The following IGFL2 variants were observed in gnomAD, a reference collection of about 807,000 sequenced individuals.
The protein encoded by IGFL2 is IGF like family member 2, also known as insulin growth factor-like family member 2.
Under a neutral mutation model 13.9 loss-of-function variants are expected in IGFL2, and 7 were observed. The observed-to-expected ratio is 0.51, with a 90% CI of 0.29 to 0.95. IGFL2 has a LOEUF of 0.95. Among genes scored for constraint, IGFL2 ranks in the 40% least tolerant of loss-of-function variants. The pLI is 0.08. For synonymous variants in IGFL2, 55 were observed against 55.8 expected (o/e 0.99, Z 0.07); for missense variants, 138 against 147.8 (o/e 0.93, Z 0.34).
the IGFL2 span, among the ~76,000 whole-genome samples, chr19:46,180,367 CAG>C: frequency 6.6e-6 from 1 of 151,968 alleles, no homozygotes; most frequent in Non-Finnish European, 1.5e-5. Flanking sequence ...TTAGTAGAGA[CAG>C]GGTTTCTCCA....
At chr19:46,168,916 A>ATGTGTGTGTGTGTGTGTG in the IGFL2 span, among the ~76,000 whole-genome samples, 1 of 145,614 alleles carries the variant, frequency 6.9e-6, no homozygotes, top group Non-Finnish European at 1.5e-5. Context: ...GTGTGTGTGT[A>ATGTGTGTGTGTGTGTGTG]TGTGTGTGTG....
chr19:46,086,621 A>G, the IGFL2 span, among the ~76,000 whole-genome samples: 2,052 of 152,242 alleles, frequency 0.013, 32 homozygotes, highest in Middle Eastern at 0.027. Context: ...ACCACACCTG[A>G]CCTCATAAAT....
the IGFL2 span, among the ~76,000 whole-genome samples, chr19:46,116,434 G>A: frequency 6.6e-6 from 1 of 152,108 alleles, no homozygotes; most frequent in Non-Finnish European, 1.5e-5. Flanking sequence ...ACATTGCTTT[G>A]CCTCTAGCAA....
the IGFL2 span, chr19:46,197,220 C>T: frequency 4.8e-6 from 1 of 206,924 alleles, no homozygotes; most frequent in Non-Finnish European, 1.0e-5. Flanking sequence ...CAGCGTCCCT[C>T]ATGGTGAAGA....
the IGFL2 span, chr19:46,208,708 G>A: frequency 6.6e-6 from 1 of 152,158 alleles, no homozygotes; most frequent in African/African-American, 2.4e-5. Flanking sequence ...TGGTTTAAAA[G>A]TGTGTAGAAG....
chr19:46,155,374 C>CA (rs1973763924), intron 1 of IGFL2, among the ~76,000 whole-genome samples: 2 of 152,134 alleles, frequency 1.3e-5, no homozygotes, highest in African/African-American at 2.4e-5. Flanking sequence ...TTCAATTACA[C>CA]AGAGTTGGCT....
chr19:46,171,841 T>A, the IGFL2 span, among the ~76,000 whole-genome samples: 1 of 152,180 alleles, frequency 6.6e-6, no homozygotes, highest in Admixed American at 6.5e-5. Context: ...AAGTGAGAAT[T>A]TTTTTTACCA....
chr19:46,099,599 G>T, the IGFL2 span, among the ~76,000 whole-genome samples: 1 of 151,024 alleles, frequency 6.6e-6, no homozygotes, highest in Non-Finnish European at 1.5e-5. Context: ...CACAATCTCA[G>T]CTCACTGCAA....
At chr19:46,087,492 T>G in the IGFL2 span, among the ~76,000 whole-genome samples, 3 of 152,112 alleles carry the variant, frequency 2.0e-5, no homozygotes, top group Admixed American at 2.0e-4. Context: ...CCCCAGATGA[T>G]GTATGTAGGC....
At chr19:46,168,226 A>C in the IGFL2 span, among the ~76,000 whole-genome samples, 2 of 152,172 alleles carry the variant, frequency 1.3e-5, no homozygotes, top group Non-Finnish European at 2.9e-5. Context: ...TGAGCTGCCA[A>C]TACCCAGACA....
At chr19:46,104,887 T>C in the IGFL2 span, among the ~76,000 whole-genome samples, 3 of 152,308 alleles carry the variant, frequency 2.0e-5, no homozygotes, top group Admixed American at 6.5e-5. Flanking sequence ...GAAGGAGATA[T>C]GTTCCTTGGT....
chr19:46,131,072 A>G, the IGFL2 span, among the ~76,000 whole-genome samples: 2 of 152,172 alleles, frequency 1.3e-5, no homozygotes, highest in Non-Finnish European at 2.9e-5. Flanking sequence ...TTATTCACAT[A>G]TAACTTTTTC....
At chr19:46,106,666 A>T in the IGFL2 span, among the ~76,000 whole-genome samples, 10 of 152,174 alleles carry the variant, frequency 6.6e-5, no homozygotes, top group African/African-American at 2.4e-4. Flanking sequence ...CCAGCCTGTA[A>T]GACTTGTCTG....
rs1045837584 is a variant in IGFL2, at chr19:46,160,814, G to A, written c.274G>A (p.Val92Met). The stretch of plus-strand genomic sequence containing the variant: ...CTTTGGCCTCACAAACGATTTTGTT[G>A]TGAAGCTGAAGGTTCAGGGTGTGAA... ...DSFGLTNDFVVKLKVQGVNSQ... is the reference protein window; with the variant it reads ...DSFGLTNDFVMKLKVQGVNSQ... Residue 92 changes from valine (V) to methionine (M), a missense_variant, in exon 3 of 4, where the codon GTG becomes ATG. Physicochemically the swap from Val to Met is conservative, Grantham distance 21 (BLOSUM62 1). Coordinates refer to ENST00000377693, the MANE Select transcript of IGFL2 (RefSeq NM_001135113.2). 4 of 1,613,988 alleles carry A rather than the reference G, an allele frequency of 2.5e-6. No homozygotes were observed. Among genetic ancestry groups the A allele is most frequent in the East Asian group, 2.2e-5 (1 of 44,872 alleles).
At chr19:46,166,541 A>G in the IGFL2 span, among the ~76,000 whole-genome samples, 2 of 152,180 alleles carry the variant, frequency 1.3e-5, no homozygotes, top group African/African-American at 2.4e-5. Flanking sequence ...TTATCAGGAG[A>G]CAGGGTTTTG....
the IGFL2 span, among the ~76,000 whole-genome samples, chr19:46,135,842 AC>A: frequency 1.3e-5 from 2 of 152,178 alleles, no homozygotes; most frequent in Non-Finnish European, 2.9e-5. Flanking sequence ...TGGCTTCCAG[AC>A]TTCACCCATG....
At chr19:46,118,520 G>A in the IGFL2 span, among the ~76,000 whole-genome samples, 3 of 152,128 alleles carry the variant, frequency 2.0e-5, no homozygotes, top group African/African-American at 4.8e-5. Context: ...GAGAAACCCC[G>A]GACTCATTAG....
At chr19:46,108,336 A>AT in the IGFL2 span, among the ~76,000 whole-genome samples, 1 of 152,188 alleles carries the variant, frequency 6.6e-6, no homozygotes. Context: ...CCGTTTGCCC[A>AT]TTTTTTGACA....
At chr19:46,205,969 G>T in the IGFL2 span, among the ~76,000 whole-genome samples, 1 of 152,170 alleles carries the variant, frequency 6.6e-6, no homozygotes, top group South Asian at 2.1e-4. Context: ...CTGAGGAAGG[G>T]CTGGGAAGCT....
Sources: allele counts gnomAD v4.1 joint callset (sites outside exome capture counted in the v4.1 genomes callset), GRCh38; gene constraint gnomAD v4.1.1; transcripts MANE v1.5; gene names NCBI Gene and HGNC (gene_info 2026-07-23, HGNC 2026-07-21).